The following CNTNAP5 variants were observed in gnomAD, a reference collection of about 807,000 sequenced individuals.
CNTNAP5 encodes the protein contactin associated protein family member 5.
In CNTNAP5, 72 loss-of-function variants were observed where a neutral mutation model predicts 150.2. The ratio of observed to expected loss-of-function variants is 0.48; its 90% CI spans 0.40 to 0.58. The LOEUF is 0.58. CNTNAP5 is among the 20% of genes least tolerant of loss of function. CNTNAP5 has a pLI of 0.00. For missense variants in CNTNAP5, 1,636 were observed against 1,626.2 expected (o/e 1.01, Z -0.10); for synonymous variants, 672 against 619.8 (o/e 1.08, Z -1.25).
At chr2:124,449,208 G>T (rs1692904266) in intron 6 of CNTNAP5, among the ~76,000 whole-genome samples, 1 of 152,162 alleles carries the variant, frequency 6.6e-6, no homozygotes, top group Admixed American at 6.5e-5. Context: ...ATAACAGGTG[G>T]ATATTTTTGA....
intron 3 of CNTNAP5, among the ~76,000 whole-genome samples, chr2:124,355,063 T>G (rs1318345027): frequency 6.6e-6 from 1 of 150,822 alleles, no homozygotes; most frequent in Non-Finnish European, 1.5e-5. Flanking sequence ...TTAAAAAAAT[T>G]TTCTAATACT....
chr2:124,736,625 G>T (rs1680387946), intron 13 of CNTNAP5, among the ~76,000 whole-genome samples: 8 of 152,150 alleles, frequency 5.3e-5, no homozygotes, highest in Admixed American at 5.2e-4. Context: ...CTTAATAGAT[G>T]TCTCTTTTTG....
intron 3 of CNTNAP5, among the ~76,000 whole-genome samples, chr2:124,311,744 T>C (rs895060188): frequency 6.6e-6 from 1 of 152,206 alleles, no homozygotes. Context: ...CGGTCACGTG[T>C]ATTCACTCAG....
intron 1 of CNTNAP5, among the ~76,000 whole-genome samples, chr2:124,202,478 CA>C (rs11361807): frequency 0.19 from 28,967 of 152,132 alleles, 2,889 homozygotes; most frequent in East Asian, 0.25. Flanking sequence ...GAGTGGTAAA[CA>C]ACCAGTCAGG....
intron 11 of CNTNAP5, among the ~76,000 whole-genome samples, chr2:124,569,924 C>G (rs1696113907): frequency 6.6e-6 from 1 of 152,202 alleles, no homozygotes; most frequent in South Asian, 2.1e-4. Context: ...GTTATGTTAA[C>G]TAACTACTGA....
At position 124,764,031 on chromosome 2, in the gene CNTNAP5, C is replaced by G. The variant is rs995027389; in HGVS notation, c.2417C>G (p.Pro806Arg). The G allele has an allele frequency of 1.9e-6, 3 of 1,613,212 alleles. No individual in the cohort carries two copies. The highest frequency in any genetic ancestry group is 2.2e-5 in the South Asian group (2 of 91,064). ...ACAGAAGCCTCTTACCTCCACTTTC[C>G]TACCTTCCATGCGGAATTCAGTGCC... The part of the protein sequence containing the change: ...FYTEASYLHF[P>R]TFHAEFSADI... Residue 806 changes from proline to arginine, a missense_variant, in exon 16 of 24, where the codon CCT becomes CGT. Physicochemically the swap from Pro to Arg is moderately radical, Grantham distance 103 (BLOSUM62 -2). Coordinates refer to ENST00000682447, the MANE Select transcript of CNTNAP5 (RefSeq NM_001367498.1).
chr2:124,238,798 T>C (rs556445784), intron 2 of CNTNAP5, among the ~76,000 whole-genome samples: 15 of 152,308 alleles, frequency 9.8e-5, no homozygotes, highest in Admixed American at 9.8e-4. Context: ...TGCGTTTTTA[T>C]AGTGACTACA....
chr2:124,261,165 C>T (rs1003802117), intron 3 of CNTNAP5, among the ~76,000 whole-genome samples: 1 of 152,058 alleles, frequency 6.6e-6, no homozygotes, highest in Non-Finnish European at 1.5e-5. Flanking sequence ...TAAATGAAGG[C>T]CATGTTCATC....
chr2:124,112,479 T>C (rs1338116324), intron 1 of CNTNAP5, among the ~76,000 whole-genome samples: 1 of 152,336 alleles, frequency 6.6e-6, no homozygotes, highest in Non-Finnish European at 1.5e-5. Context: ...GTTTCTCTTA[T>C]AGGCTTCTCA....
chr2:124,650,047 A>T (rs1425188875), intron 13 of CNTNAP5, among the ~76,000 whole-genome samples: 1 of 152,222 alleles, frequency 6.6e-6, no homozygotes, highest in African/African-American at 2.4e-5. Flanking sequence ...TAACATTCAG[A>T]TGTGAATCCT....
At chr2:124,466,732 G>A (rs956806432) in intron 6 of CNTNAP5, among the ~76,000 whole-genome samples, 2 of 152,142 alleles carry the variant, frequency 1.3e-5, no homozygotes, top group African/African-American at 4.8e-5. Context: ...ACGAATGGAT[G>A]AGCACATTAC....
intron 1 of CNTNAP5, among the ~76,000 whole-genome samples, chr2:124,093,050 T>C: frequency 6.6e-6 from 1 of 152,192 alleles, no homozygotes; most frequent in East Asian, 1.9e-4. Context: ...TATTTTGTGA[T>C]TTTAAGAACA....
intron 12 of CNTNAP5, among the ~76,000 whole-genome samples, chr2:124,644,109 G>A (rs1410147645): frequency 6.6e-6 from 1 of 152,182 alleles, no homozygotes; most frequent in Non-Finnish European, 1.5e-5. Flanking sequence ...AGTCATGTGT[G>A]AGTCCACTTA....
chr2:124,373,985 T>G (rs984085980), intron 3 of CNTNAP5, among the ~76,000 whole-genome samples: 3 of 152,044 alleles, frequency 2.0e-5, no homozygotes, highest in Non-Finnish European at 4.4e-5. Context: ...GATATCACTT[T>G]TGTGTGTACA....
At chr2:124,105,461 G>C (rs1279878310) in intron 1 of CNTNAP5, among the ~76,000 whole-genome samples, 3 of 152,128 alleles carry the variant, frequency 2.0e-5, no homozygotes, top group Non-Finnish European at 1.5e-5. Context: ...ACTCCAATCA[G>C]TGAAAAGAGT....
intron 1 of CNTNAP5, among the ~76,000 whole-genome samples, chr2:124,098,358 G>A (rs1682988854): frequency 6.6e-6 from 1 of 152,134 alleles, no homozygotes. Context: ...TTGATATGCA[G>A]GGGTGGCAGA....
At chr2:124,558,496 C>T (rs1695811105) in intron 10 of CNTNAP5, among the ~76,000 whole-genome samples, 2 of 152,032 alleles carry the variant, frequency 1.3e-5, no homozygotes, top group African/African-American at 4.8e-5. Flanking sequence ...GTCTGGAGTT[C>T]AGGAGCGAAG....
chr2:124,459,240 C>T (rs180897402), intron 6 of CNTNAP5, among the ~76,000 whole-genome samples: 1 of 152,122 alleles, frequency 6.6e-6, no homozygotes, highest in Non-Finnish European at 1.5e-5. Context: ...AGGCTTGCAC[C>T]GCAGCTGATC....
chr2:124,093,723 G>C (rs1293223148), intron 1 of CNTNAP5, among the ~76,000 whole-genome samples: 4 of 152,068 alleles, frequency 2.6e-5, no homozygotes, highest in African/African-American at 7.2e-5. Flanking sequence ...CTTCATACTT[G>C]GGTATAAGAT....
Sources: allele counts gnomAD v4.1 joint callset (sites outside exome capture counted in the v4.1 genomes callset), GRCh38; gene constraint gnomAD v4.1.1; transcripts MANE v1.5; gene names NCBI Gene and HGNC (gene_info 2026-07-23, HGNC 2026-07-21).